ZNF516: variants seen among roughly 807,000 people sequenced by gnomAD.
ZNF516 encodes zinc finger protein 516.
ZNF516 carries 19 observed loss-of-function variants against 79.7 expected under a neutral mutation model. That is an observed-to-expected ratio of 0.24 (90% CI 0.17 to 0.35). ZNF516 has a LOEUF of 0.35. Ranked by LOEUF, ZNF516 falls within the 10% of genes least tolerant of loss-of-function variation. ZNF516 has a pLI of 1.00. For synonymous variants in ZNF516, 877 were observed against 739.5 expected, an observed-to-expected ratio of 1.19 and a Z score of -3.02; for missense variants, 1,678 against 1,679.5, an observed-to-expected ratio of 1.00 and a Z score of 0.02.
chr18:76,411,188 C>A (rs1860536729), intron 3 of ZNF516, among the ~76,000 whole-genome samples: 1 of 152,190 alleles, frequency 6.6e-6, no homozygotes, highest in African/African-American at 2.4e-5. Flanking sequence ...CCTCTCATGG[C>A]CAGGGGCTAC....
rs1478776736 is a variant in ZNF516 at position 76,442,399 on chromosome 18, A to C, written c.656T>G (p.Ile219Ser). 2 of 1,608,194 alleles carry C rather than the reference A, an allele frequency of 1.2e-6. No individual in the cohort carries two copies. The highest frequency in any genetic ancestry group is 1.7e-6 in the Non-Finnish European group (2 of 1,179,612). ...CTGCGCGGTGATGTGGTCCCTCTCG[A>C]TGTGGCTCAGCAGCGACTCCTCCCG... ...TLREESLLSH[I>S]ERDHITAQGP... The change falls in exon 3 of 7, where the codon ATC becomes AGC. Residue 219 changes from isoleucine to serine, a missense_variant. Physicochemically the swap from Ile to Ser is moderately radical, Grantham distance 142. Coordinates refer to ENST00000443185, the MANE Select transcript of ZNF516 (RefSeq NM_014643.4).
Position 76,490,668 on chromosome 18 carries a change from G to A in ZNF516, c.-272+4476C>T, listed in dbSNP as rs368736068. 3.4e-5 allele frequency: 22 copies of A among 645,730 alleles called. 1 individual carries two copies. In the East Asian group the frequency reaches 5.5e-4, roughly 16 times the overall value. The allele number at this position is 645,730 out of a possible 1,614,324, so 40.0% of individuals were successfully genotyped here. On this transcript the variant is annotated intron_variant, in intron 1 of 6. Transcript: ENST00000443185. ...CCCCATGGTGAACGTACATCACTCA[G>A]CTTTTAAATTACCTTCAATCAAGAT...
chr18:76,489,038 A>G (rs776397721), intron 1 of ZNF516, among the ~76,000 whole-genome samples: 2 of 152,262 alleles, frequency 1.3e-5, no homozygotes, highest in Non-Finnish European at 2.9e-5. Flanking sequence ...TGCAGAACGC[A>G]GTGAGCTTAT....
Position 76,459,927 on chromosome 18 carries a change from G to A in ZNF516, c.-158+3101C>T, listed in dbSNP as rs1383170241. Among the ~76,000 whole-genome samples, 1 of 152,196 alleles carries A rather than the reference G, an allele frequency of 6.6e-6. No homozygotes were observed. Among genetic ancestry groups the A allele is most frequent in the East Asian group, 1.9e-4 (1 of 5,198 alleles). ...TAGGCAGCCTCCTTGGCATCGGGCA[G>A]GTCTGTCTCACCAGTCCCAAATAAT... On this transcript the variant is annotated intron_variant, in intron 2 of 6. Coordinates refer to ENST00000443185, the MANE Select transcript of ZNF516 (RefSeq NM_014643.4). This position sits in a 1 kb window ranked among gnomAD's most constrained non-coding sequence, Gnocchi z 5.0.
chr18:76,459,219 C>T lies in ZNF516; in HGVS notation c.-158+3809G>A, dbSNP rs540884087. On this transcript the variant is annotated intron_variant, in intron 2 of 6. Transcript: ENST00000443185. The surrounding 1 kb of genome is among the most constrained non-coding windows in gnomAD (Gnocchi z 5.0). ...TGCTGCCCCTCTCCTGTGCATAGGG[C>T]GCTCTCTCCCTGCCCCGAGCTTCGG... 7.2e-5 allele frequency among the ~76,000 whole-genome samples: 11 copies of T among 152,310 alleles called. No individual in the cohort carries two copies. The highest frequency in any genetic ancestry group is 3.4e-3 in the Middle Eastern group (1 of 294).
chr18:76,360,782 TAATAAC>T lies in ZNF516; in HGVS notation c.*1710_*1715del, dbSNP rs1023275802. The T allele has an allele frequency of 1.9e-4, 27 of 140,546 alleles. No homozygotes were observed. The highest frequency in any genetic ancestry group is 6.2e-4 in the African/African-American group (23 of 37,372). 8.7% of individuals were successfully genotyped at this position (140,546 alleles called of 1,614,324 possible). ...AGTAGAATCCAGAACCAAACATTACTAATAACAATAACAATAATAATAATAATAATA... is the reference window on the plus strand; with the variant it reads ...AGTAGAATCCAGAACCAAACATTACTAATAACAATAATAATAATAATAATA... On this transcript the variant is annotated 3_prime_UTR_variant, in exon 7 of 7. Transcript: ENST00000443185.
intron 2 of ZNF516, among the ~76,000 whole-genome samples, chr18:76,462,571 C>G (rs572865124): frequency 6.6e-6 from 1 of 152,206 alleles, no homozygotes; most frequent in African/African-American, 2.4e-5. Flanking sequence ...TGCTCCGGCA[C>G]CTCCCAGAAG....
chr18:76,378,117 T>C (rs1399314531), intron 4 of ZNF516: 1 of 152,246 alleles, frequency 6.6e-6, no homozygotes, highest in Non-Finnish European at 1.5e-5. Flanking sequence ...GTTTGTGTTC[T>C]GGACGTTAAG....
intron 4 of ZNF516, among the ~76,000 whole-genome samples, chr18:76,374,469 G>GTA (rs1168095473): frequency 1.3e-5 from 2 of 152,170 alleles, no homozygotes; most frequent in Non-Finnish European, 2.9e-5. Context: ...TCCTGTTTGG[G>GTA]TAGAGTTTTT....
chr18:76,461,050 C>T (rs1031434968), intron 2 of ZNF516, among the ~76,000 whole-genome samples: 5 of 152,110 alleles, frequency 3.3e-5, no homozygotes, highest in Non-Finnish European at 7.3e-5. Flanking sequence ...GGCGTGGTGG[C>T]GCATGCCTGT....
chr18:76,434,511 T>G (rs189426401), intron 3 of ZNF516, among the ~76,000 whole-genome samples: 1 of 152,332 alleles, frequency 6.6e-6, no homozygotes, highest in East Asian at 1.9e-4. Flanking sequence ...TATCACGAAC[T>G]TCTCTTTCAG....
chr18:76,451,358 G>C lies in ZNF516; in HGVS notation c.-157-8147C>G, dbSNP rs988303832. 1.3e-5 allele frequency among the ~76,000 whole-genome samples: 2 copies of C among 152,210 alleles called. No homozygotes were observed. Among genetic ancestry groups the C allele is most frequent in the African/African-American group, 4.8e-5 (2 of 41,450 alleles). On this transcript the variant is annotated intron_variant, in intron 2 of 6. Coordinates refer to ENST00000443185, the MANE Select transcript of ZNF516 (RefSeq NM_014643.4). The surrounding 1 kb of genome is among the most constrained non-coding windows in gnomAD (Gnocchi z 6.0). ...CCGGGATGGATGTCCGCGGGTGCAG[G>C]GGGGTGACAGCCCGGTCCTGCGCAC...
chr18:76,496,390 G>A (rs1276647861), upstream of ZNF516: 42 of 1,289,534 alleles, frequency 3.3e-5, no homozygotes, highest in Non-Finnish European at 3.7e-5. Context: ...CAATCCTGGC[G>A]GTTACCTCAG....
chr18:76,366,765 G>A (rs1170807278), intron 6 of ZNF516, among the ~76,000 whole-genome samples: 2 of 152,204 alleles, frequency 1.3e-5, no homozygotes, highest in Non-Finnish European at 2.9e-5. Context: ...CTGAATGTGT[G>A]CTCTGTGGTG....
chr18:76,434,587 C>T (rs2075705410), intron 3 of ZNF516, among the ~76,000 whole-genome samples: 1 of 152,236 alleles, frequency 6.6e-6, no homozygotes, highest in East Asian at 1.9e-4. Flanking sequence ...CGGCACACCC[C>T]ACAGGACTTC....
chr18:76,367,016 C>T (rs1466253578), intron 6 of ZNF516, among the ~76,000 whole-genome samples: 1 of 152,228 alleles, frequency 6.6e-6, no homozygotes, highest in Non-Finnish European at 1.5e-5. Context: ...CTCCTCTCCA[C>T]TATAAACCCG....
chr18:76,441,390 G>T lies in ZNF516; in HGVS notation c.1665C>A (p.Arg555=), dbSNP rs374420308. ...DSDGDRAARA[R]CGSLSEGDSA... ...AGTCACCCTCACTGAGTGATCCGCA[G>T]CGGGCCCGCGCCGCCCTGTCCCCGT... Residue 555 remains arginine, a synonymous_variant, in exon 3 of 7, where the codon CGC becomes CGA. Coordinates refer to ENST00000443185, the MANE Select transcript of ZNF516 (RefSeq NM_014643.4). The T allele has an allele frequency of 1.2e-6, 2 of 1,609,760 alleles. No individual in the cohort carries two copies. The highest frequency in any genetic ancestry group is 2.7e-5 in the African/African-American group (2 of 74,984).
chr18:76,442,786 A>T lies in ZNF516; in HGVS notation c.269T>A (p.Ile90Asn). ...GCCCGCCTCCGGCTCGTGTCCCTGA[A>T]TCAGAGTCCCCGTGCGGTGGCTCCG... ...HIRSHRTGTL[I>N]QGHEPEAGEA... The change falls in exon 3 of 7, where the codon ATT (isoleucine) becomes AAT (asparagine). Residue 90 changes from isoleucine to asparagine, a missense_variant. By Grantham distance (149) the Ile-to-Asn change is moderately radical (BLOSUM62 -3). Coordinates refer to ENST00000443185, the MANE Select transcript of ZNF516 (RefSeq NM_014643.4). The T allele has an allele frequency of 1.2e-6, 2 of 1,605,900 alleles. No homozygotes were observed. Among genetic ancestry groups the T allele is most frequent in the Non-Finnish European group, 1.7e-6 (2 of 1,176,204 alleles).
Position 76,380,126 on chromosome 18 carries a change from C to T in ZNF516, c.1988G>A (p.Arg663Lys), listed in dbSNP as rs754557554. The T allele has an allele frequency of 6.2e-7, 1 of 1,613,926 alleles. No individual in the cohort carries two copies. Residue 663 changes from arginine to lysine, a missense_variant, in exon 4 of 7, where the codon AGG (arginine) becomes AAG (lysine). Around this residue, in one of 5 missense-constraint regions of ZNF516, gnomAD observed 1,294 missense variants for 1,248.3 expected, o/e 1.04. Transcript: ENST00000443185. ...CATAGAAAATCTGTGCTGCTCTTGC[C>T]TTCTAGAAGTCTCTCTGCTACTGTT... The part of the protein sequence containing the change: ...LENSSRETSR[R>K]QEQHRFSMDL...
Sources: gnomAD v4.1 joint callset for allele counts (sites outside exome capture counted in the v4.1 genomes callset) on GRCh38, gnomAD v4.1.1 for gene constraint, gnomAD v4.1.1 regional missense constraint, Gnocchi (gnomAD v3.1) non-coding constraint, MANE v1.5 for transcripts, NCBI Gene and HGNC (gene_info 2026-07-23, HGNC 2026-07-21) for gene names.